NATD1: variants seen among roughly 807,000 people sequenced by gnomAD.
The protein encoded by NATD1 is N-acetyltransferase domain containing 1.
In NATD1, 9 loss-of-function variants were observed where a neutral mutation model predicts 12.0. The observed-to-expected ratio is 0.75, with a 90% CI of 0.45 to 1.30. The LOEUF is 1.30. NATD1 is among the 50% of genes most tolerant of loss of function. The pLI, the probability that NATD1 is intolerant of heterozygous loss-of-function variation, is 0.00. For synonymous variants in NATD1, 71 were observed against 65.9 expected, an observed-to-expected ratio of 1.08 and a Z score of -0.37; for missense variants, 148 against 148.5, an observed-to-expected ratio of 1.00 and a Z score of 0.02.
At position 21,240,782 on chromosome 17, in the gene NATD1, G is replaced by C. The variant is rs1335224504; in HGVS notation, c.*2531C>G. ...CCAGGTGACCGGACAGGAGGGGTGA[G>C]GCTAGGCTGCCAGGCAGACAGGGTA... On this transcript the variant is annotated 3_prime_UTR_variant, in exon 3 of 3. Coordinates refer to ENST00000611551, the MANE Select transcript of NATD1 (RefSeq NM_152914.3). The C allele has an allele frequency of 6.5e-6, 1 of 152,846 alleles. No individual in the cohort carries two copies. Among genetic ancestry groups the C allele is most frequent in the Non-Finnish European group, 1.5e-5 (1 of 68,226 alleles). 9.5% of individuals were successfully genotyped at this position (152,846 alleles called of 1,614,324 possible).
At chr17:21,247,639 G>A (rs1975337672) in intron 1 of NATD1, among the ~76,000 whole-genome samples, 1 of 152,202 alleles carries the variant, frequency 6.6e-6, no homozygotes, top group African/African-American at 2.4e-5. Context: ...AGTTGAGACT[G>A]GAACTGAGGG....
Position 21,243,293 on chromosome 17 carries a change from C to T in NATD1, c.*20G>A, listed in dbSNP as rs1386690922. ...ACGTGGAAGAGTCCGGCAGGGAGCG[C>T]TCCCGCCTGCAGGCCAGGGTTACGG... On this transcript the variant is annotated 3_prime_UTR_variant, in exon 3 of 3. Coordinates refer to ENST00000611551, the MANE Select transcript of NATD1 (RefSeq NM_152914.3). The T allele has an allele frequency of 8.1e-6, 13 of 1,604,630 alleles. No homozygotes were observed. The highest frequency in any genetic ancestry group is 1.1e-5 in the South Asian group (1 of 90,910).
intron 2 of NATD1, among the ~76,000 whole-genome samples, chr17:21,243,677 T>C (rs1039126156): frequency 6.6e-6 from 1 of 152,104 alleles, no homozygotes; most frequent in African/African-American, 2.4e-5. Flanking sequence ...AAGGTTGCCC[T>C]GCAATTCTCC....
In NATD1 at chr17:21,244,325, C is replaced by G; in HGVS notation, c.107-101G>C. Reference sequence around the variant, plus strand: ...ACAGGCATTTGGAGTCATTCAGCTGCTACAGCTGAATCCTGAATAACCTCT... The same window carrying G: ...ACAGGCATTTGGAGTCATTCAGCTGGTACAGCTGAATCCTGAATAACCTCT... On this transcript the variant is annotated intron_variant, in intron 1 of 2. Coordinates refer to ENST00000611551, the MANE Select transcript of NATD1 (RefSeq NM_152914.3). The surrounding 1 kb of genome is among the most constrained non-coding windows in gnomAD (Gnocchi z 5.2). The G allele has an allele frequency of 1.1e-6, 1 of 929,812 alleles. No individual in the cohort carries two copies. Among genetic ancestry groups the G allele is most frequent in the Non-Finnish European group, 1.6e-6 (1 of 615,132 alleles). 57.6% of individuals were successfully genotyped at this position (929,812 alleles called of 1,614,324 possible).
At chr17:21,245,057 A>C (rs1316504732) in intron 1 of NATD1, among the ~76,000 whole-genome samples, 1 of 152,194 alleles carries the variant, frequency 6.6e-6, no homozygotes. Flanking sequence ...GAAGGGGAGA[A>C]AGAGAATAAA....
Position 21,244,242 on chromosome 17 carries a change from A to G in NATD1, c.107-18T>C. On this transcript the variant is annotated intron_variant, in intron 1 of 2. Transcript: ENST00000611551. The surrounding 1 kb of genome is among the most constrained non-coding windows in gnomAD (Gnocchi z 5.2). ...ATGACATCCTGGGGGTTGTGGAGAC[A>G]GGTAAGCCTATGCTGACTCCCATCC... is the stretch of plus-strand genomic sequence containing the variant. 1 of 1,605,044 alleles carries G rather than the reference A, an allele frequency of 6.2e-7. No homozygotes were observed. The highest frequency in any genetic ancestry group is 1.1e-5 in the South Asian group (1 of 90,238).
intron 1 of NATD1, among the ~76,000 whole-genome samples, chr17:21,246,304 A>G (rs1296030778): frequency 6.6e-6 from 1 of 152,150 alleles, no homozygotes; most frequent in Non-Finnish European, 1.5e-5. Flanking sequence ...ACCTGAGTTC[A>G]GGAGTTCGAG....
intron 1 of NATD1, among the ~76,000 whole-genome samples, chr17:21,249,347 TCAGGGAGGTGCCA>T (rs1256866843): frequency 2.0e-5 from 3 of 152,138 alleles, no homozygotes; most frequent in African/African-American, 7.2e-5. Context: ...AGAGCCTGGA[TCAGGGAGGTGCCA>T]CATGTTGGTG....
Position 21,240,793 on chromosome 17 carries a change from C to T in NATD1, c.*2520G>A, listed in dbSNP as rs1382941510. On this transcript the variant is annotated 3_prime_UTR_variant, in exon 3 of 3. Transcript: ENST00000611551. ...GACAGGAGGGGTGAGGCTAGGCTGC[C>T]AGGCAGACAGGGTAGCACCAGATGG... 6.5e-6 allele frequency: 1 copy of T among 152,822 alleles called. No individual in the cohort carries two copies. Among genetic ancestry groups the T allele is most frequent in the Non-Finnish European group, 1.5e-5 (1 of 68,206 alleles). 9.5% of individuals were successfully genotyped at this position (152,822 alleles called of 1,614,324 possible). A position where few individuals can be genotyped will look rare whatever the true frequency, so the allele number is the denominator to read the frequency against.
At position 21,248,374 on chromosome 17, in the gene NATD1, T is replaced by C. The variant is rs573099529; in HGVS notation, c.107-4150A>G. The stretch of plus-strand genomic sequence containing the variant: ...CTTGGCTCCTCCTCACCTTTTCTCA[T>C]CTGACCTGACCCTCGGCAGGACCGT... On this transcript the variant is annotated intron_variant, in intron 1 of 2. Coordinates refer to ENST00000611551, the MANE Select transcript of NATD1 (RefSeq NM_152914.3). Among the ~76,000 whole-genome samples, 60 of 152,324 alleles carry C rather than the reference T, an allele frequency of 3.9e-4. No individual in the cohort carries two copies. In the South Asian group the frequency reaches 5.4e-3, roughly 14 times the overall value.
rs1248988686 is a variant in NATD1, at chr17:21,242,048, G to A, written c.*1265C>T. 6.6e-6 allele frequency: 1 copy of A among 152,508 alleles called. No homozygotes were observed. The highest frequency in any genetic ancestry group is 1.5e-5 in the Non-Finnish European group (1 of 68,292). 9.4% of individuals were successfully genotyped at this position (152,508 alleles called of 1,614,324 possible). ...CCCAGCCTGACTCCCCCCGAAGCCG[G>A]GTAGGGATGCATCACTCCGACTAAC... is the stretch of plus-strand genomic sequence containing the variant. On this transcript the variant is annotated 3_prime_UTR_variant, in exon 3 of 3. Coordinates refer to ENST00000611551, the MANE Select transcript of NATD1 (RefSeq NM_152914.3).
Position 21,244,244 on chromosome 17 carries a change from G to A in NATD1, c.107-20C>T. 3.7e-6 allele frequency: 6 copies of A among 1,602,742 alleles called. No individual in the cohort carries two copies. The highest frequency in any genetic ancestry group is 5.1e-6 in the Non-Finnish European group (6 of 1,172,962). The stretch of plus-strand genomic sequence containing the variant: ...GACATCCTGGGGGTTGTGGAGACAG[G>A]TAAGCCTATGCTGACTCCCATCCCA... On this transcript the variant is annotated intron_variant, in intron 1 of 2. Coordinates refer to ENST00000611551, the MANE Select transcript of NATD1 (RefSeq NM_152914.3). This position sits in a 1 kb window ranked among gnomAD's most constrained non-coding sequence, Gnocchi z 5.2.
intron 1 of NATD1, among the ~76,000 whole-genome samples, chr17:21,252,172 G>A (rs1456678078): frequency 6.6e-6 from 1 of 152,170 alleles, no homozygotes; most frequent in Non-Finnish European, 1.5e-5. Context: ...GGGCATGGTG[G>A]TGGGTGCCTG....
intron 1 of NATD1, among the ~76,000 whole-genome samples, chr17:21,250,892 A>C (rs951360985): frequency 1.2e-4 from 19 of 152,138 alleles, no homozygotes; most frequent in Non-Finnish European, 2.4e-4. Context: ...CAGTGTTTAT[A>C]TCTCTCAGTG....
At chr17:21,251,942 G>A (rs1049714602) in intron 1 of NATD1, among the ~76,000 whole-genome samples, 3 of 152,208 alleles carry the variant, frequency 2.0e-5, no homozygotes, top group East Asian at 3.9e-4. Flanking sequence ...GGGCCACAGG[G>A]AGTTCATAGC....
At chr17:21,252,725 G>T (rs1198641623) in intron 1 of NATD1, among the ~76,000 whole-genome samples, 1 of 152,118 alleles carries the variant, frequency 6.6e-6, no homozygotes, top group Non-Finnish European at 1.5e-5. Flanking sequence ...GGTCACGGCT[G>T]ACCAACTTTC....
Position 21,243,074 on chromosome 17 carries a change from G to C in NATD1, c.*239C>G, listed in dbSNP as rs1975291442. ...CCACAGGCCTCCCACGAAGCCGCTG[G>C]TCTCTGCAGAGTGAGAGGTGCCGGG... On this transcript the variant is annotated 3_prime_UTR_variant, in exon 3 of 3. Coordinates refer to ENST00000611551, the MANE Select transcript of NATD1 (RefSeq NM_152914.3). 3 of 457,152 alleles carry C rather than the reference G, an allele frequency of 6.6e-6. No individual in the cohort carries two copies. In the South Asian group the frequency reaches 9.2e-5, roughly 14 times the overall value. The allele number at this position is 457,152 out of a possible 1,614,324, so 28.3% of individuals were successfully genotyped here.
At chr17:21,247,589 G>A (rs62054951) in intron 1 of NATD1, among the ~76,000 whole-genome samples, 2,377 of 152,322 alleles carry the variant, frequency 0.016, 39 homozygotes, top group South Asian at 0.074. Flanking sequence ...AGTTCTCTGG[G>A]GCAGAGAGGT....
chr17:21,248,389 G>A (rs565084664), intron 1 of NATD1, among the ~76,000 whole-genome samples: 4 of 152,176 alleles, frequency 2.6e-5, no homozygotes, highest in East Asian at 1.9e-4. Context: ...CCTGACCCTC[G>A]GCAGGACCGT....
Sources: allele counts gnomAD v4.1 joint callset (sites outside exome capture counted in the v4.1 genomes callset), GRCh38; gene constraint gnomAD v4.1.1; non-coding constraint Gnocchi (gnomAD v3.1); transcripts MANE v1.5; gene names NCBI Gene and HGNC (gene_info 2026-07-23, HGNC 2026-07-21).